Variants in CELF2 observed in about 807,000 individuals in gnomAD.
The protein encoded by CELF2 is CUG triplet repeat RNA-binding protein 2.
Under a neutral mutation model 62.6 loss-of-function variants are expected in CELF2, and 8 were observed. That is an observed-to-expected ratio of 0.13 (90% CI 0.07 to 0.23). The LOEUF (loss-of-function observed/expected upper bound fraction) is 0.23. Ranked by LOEUF, CELF2 falls within the 10% of genes least tolerant of loss-of-function variation. The pLI is 1.00. For missense variants in CELF2, 333 were observed against 671.0 expected (o/e 0.50, Z 5.56); for synonymous variants, 258 against 250.0 (o/e 1.03, Z -0.30).
the CELF2 span, among the ~76,000 whole-genome samples, chr10:10,503,486 T>G: frequency 1.3e-5 from 2 of 151,976 alleles, no homozygotes; most frequent in Non-Finnish European, 2.9e-5. Context: ...CATCTCTGTC[T>G]CTGATGTATT....
At chr10:11,226,157 G>A (rs1204468804) in intron 3 of CELF2, among the ~76,000 whole-genome samples, 3 of 152,196 alleles carry the variant, frequency 2.0e-5, no homozygotes, top group Non-Finnish European at 2.9e-5. Context: ...GGTTGCCATG[G>A]GGAGGCTCCA....
chr10:10,639,149 A>G, the CELF2 span, among the ~76,000 whole-genome samples: 2 of 152,354 alleles, frequency 1.3e-5, no homozygotes, highest in African/African-American at 4.8e-5. Context: ...TCCTAGAAAT[A>G]TGTGCAATTG....
In CELF2 at chr10:11,249,218, T is replaced by G. The variant is rs748903804; in HGVS notation, c.403+17T>G. On this transcript the variant is annotated intron_variant, in intron 4 of 12. Transcript: ENST00000633077. ...AGTCCAACGGTAGGTGGTAACCAACTGTCTTGCTTAATAATAATATCTGCT... is the reference window on the plus strand; with the variant it reads ...AGTCCAACGGTAGGTGGTAACCAACGGTCTTGCTTAATAATAATATCTGCT... 6 of 1,599,946 alleles carry G rather than the reference T, an allele frequency of 3.8e-6. No homozygotes were observed. The South Asian group carries it at 6.6e-5, about 18-fold the overall frequency.
rs769551476 is a variant in CELF2, at chr10:10,934,028, C to T, written c.89+14029C>T. On this transcript the variant is annotated intron_variant, in intron 2 of 13. Transcript: ENST00000636488. This position sits in a 1 kb window ranked among gnomAD's most constrained non-coding sequence, Gnocchi z 4.4. The stretch of plus-strand genomic sequence containing the variant: ...TTTAAGAAACCTCCATACTGATTTC[C>T]GTAATGGCTATGCTAATGTACATTC... Among the ~76,000 whole-genome samples, 2 of 152,168 alleles carry T rather than the reference C, an allele frequency of 1.3e-5. No homozygotes were observed. Among genetic ancestry groups the T allele is most frequent in the Non-Finnish European group, 2.9e-5 (2 of 68,030 alleles).
the CELF2 span, among the ~76,000 whole-genome samples, chr10:10,750,017 C>T: frequency 3.9e-5 from 6 of 152,356 alleles, no homozygotes; most frequent in South Asian, 1.2e-3. Context: ...GGCGAGGCGG[C>T]TCACACCTGT....
chr10:11,266,379 A>G, intron 5 of CELF2, among the ~76,000 whole-genome samples: 1 of 152,256 alleles, frequency 6.6e-6, no homozygotes, highest in East Asian at 1.9e-4. Flanking sequence ...TAATAAATAA[A>G]TAAATCTTTC....
chr10:11,132,409 G>A (rs535202247), intron 1 of CELF2, among the ~76,000 whole-genome samples: 5 of 152,256 alleles, frequency 3.3e-5, no homozygotes, highest in Non-Finnish European at 5.9e-5. Context: ...AAGGAAATAC[G>A]GACATATTTT....
At chr10:10,835,532 G>A (rs952079163) in intron 1 of CELF2, among the ~76,000 whole-genome samples, 5 of 151,918 alleles carry the variant, frequency 3.3e-5, no homozygotes, top group African/African-American at 4.8e-5. Context: ...ACAGATGCCC[G>A]AAACCACACC....
In CELF2 at chr10:11,165,205, C is replaced by T; in HGVS notation, c.75-281C>T. 7.8e-7 allele frequency: 1 copy of T among 1,283,440 alleles called. No individual in the cohort carries two copies. Among genetic ancestry groups the T allele is most frequent in the Non-Finnish European group, 9.9e-7 (1 of 1,009,864 alleles). 79.5% of individuals were successfully genotyped at this position (1,283,440 alleles called of 1,614,324 possible). ...AACTTGCAGCTGCCTCCCGAGCCTCCAAGATGTCCACGCCCTGGGTGACAG... is the reference window on the plus strand; with the variant it reads ...AACTTGCAGCTGCCTCCCGAGCCTCTAAGATGTCCACGCCCTGGGTGACAG... On this transcript the variant is annotated intron_variant, in intron 1 of 12. Transcript: ENST00000633077. The surrounding 1 kb of genome is among the most constrained non-coding windows in gnomAD (Gnocchi z 7.4).
intron 1 of CELF2, among the ~76,000 whole-genome samples, chr10:10,864,529 AT>A (rs1399999282): frequency 1.4e-4 from 22 of 152,094 alleles, no homozygotes; most frequent in Admixed American, 9.8e-4. Flanking sequence ...GTACCTGTTG[AT>A]TCAGTTCCAG....
At chr10:10,678,605 G>C in the CELF2 span, among the ~76,000 whole-genome samples, 1 of 152,096 alleles carries the variant, frequency 6.6e-6, no homozygotes, top group South Asian at 2.1e-4. Context: ...ATGCAATGAC[G>C]GCCAAAAGGC....
At chr10:10,774,543 GC>G in the CELF2 span, among the ~76,000 whole-genome samples, 2 of 152,162 alleles carry the variant, frequency 1.3e-5, no homozygotes, top group Non-Finnish European at 2.9e-5. Context: ...CACCTTCCCT[GC>G]CCCCGCTCTC....
At chr10:11,033,359 G>A (rs912354539) in intron 1 of CELF2, among the ~76,000 whole-genome samples, 17 of 151,696 alleles carry the variant, frequency 1.1e-4, no homozygotes, top group African/African-American at 4.1e-4. Flanking sequence ...CCAGGTTCAA[G>A]CGATTCTCGT....
intron 1 of CELF2, among the ~76,000 whole-genome samples, chr10:11,020,635 G>A (rs1460198831): frequency 1.3e-5 from 2 of 152,148 alleles, no homozygotes; most frequent in East Asian, 3.8e-4. Flanking sequence ...AAAGCATAGG[G>A]GCTTTTCTGC....
rs1479658100 is a variant in CELF2, at chr10:11,319,847, G to C, written c.1097-1342G>C. ...TTGGCCAAATAGAAGCACAAGTGGA[G>C]TAAACAGAACATTCCCCACCTGCTC... is the stretch of plus-strand genomic sequence containing the variant. On this transcript the variant is annotated intron_variant, in intron 10 of 12. Transcript: ENST00000633077. The surrounding 1 kb of genome is among the most constrained non-coding windows in gnomAD (Gnocchi z 4.4). 2 of 471,006 alleles carry C rather than the reference G, an allele frequency of 4.2e-6. No individual in the cohort carries two copies. Among genetic ancestry groups the C allele is most frequent in the East Asian group, 6.9e-5 (1 of 14,408 alleles). The allele number at this position is 471,006 out of a possible 1,614,324, so 29.2% of individuals were successfully genotyped here.
At position 11,270,633 on chromosome 10, in the gene CELF2, CCCCT is replaced by C; in HGVS notation, c.619-31_619-28del. On this transcript the variant is annotated intron_variant, in intron 6 of 12. Coordinates refer to ENST00000633077, the MANE Select transcript of CELF2 (RefSeq NM_001326342.2). This position sits in a 1 kb window ranked among gnomAD's most constrained non-coding sequence, Gnocchi z 5.8. ...TGAGCGGATTCCGCCAGCCTGTAAC[CCCCT>C]CTCCACTTTCCAATGTGTCTGACCA... The C allele has an allele frequency of 4.3e-6, 6 of 1,393,204 alleles. No individual in the cohort carries two copies. The highest frequency in any genetic ancestry group is 5.7e-6 in the Non-Finnish European group (6 of 1,060,528). The allele number at this position is 1,393,204 out of a possible 1,614,324, so 86.3% of individuals were successfully genotyped here.
At chr10:11,066,931 A>G (rs1262049441) in intron 1 of CELF2, among the ~76,000 whole-genome samples, 1 of 152,146 alleles carries the variant, frequency 6.6e-6, no homozygotes, top group Non-Finnish European at 1.5e-5. Flanking sequence ...TAAACAGCAC[A>G]GTCAGGGTGA....
the CELF2 span, among the ~76,000 whole-genome samples, chr10:10,507,795 G>A: frequency 2.6e-5 from 4 of 152,178 alleles, no homozygotes; most frequent in Non-Finnish European, 5.9e-5. Context: ...CTTTTGGGAG[G>A]AAGGTAGAAG....
At chr10:10,626,272 T>C in the CELF2 span, among the ~76,000 whole-genome samples, 1 of 152,276 alleles carries the variant, frequency 6.6e-6, no homozygotes, top group Non-Finnish European at 1.5e-5. Flanking sequence ...TACACCAGGG[T>C]CCTCATTCCT....
Sources: gnomAD v4.1 joint callset for allele counts (sites outside exome capture counted in the v4.1 genomes callset) on GRCh38, gnomAD v4.1.1 for gene constraint, Gnocchi (gnomAD v3.1) non-coding constraint, MANE v1.5 for transcripts, NCBI Gene and HGNC (gene_info 2026-07-23, HGNC 2026-07-21) for gene names.